The following NRG2 variants were observed in gnomAD, a reference collection of about 807,000 sequenced individuals.
The protein encoded by NRG2 is neuregulin 2.
Under a neutral mutation model 73.9 loss-of-function variants are expected in NRG2, and 27 were observed. The ratio of observed to expected loss-of-function variants is 0.37; its 90% CI spans 0.27 to 0.50. The LOEUF (loss-of-function observed/expected upper bound fraction) is 0.50. Ranked by LOEUF, NRG2 falls within the 20% of genes least tolerant of loss-of-function variation. NRG2 has a pLI of 0.96. For missense variants in NRG2, 1,126 were observed against 1,210.1 expected (o/e 0.93, Z 1.03); for synonymous variants, 532 against 541.0 (o/e 0.98, Z 0.23).
At position 139,852,979 on chromosome 5, in the gene NRG2, C is replaced by G; in HGVS notation, c.1341G>C (p.Pro447=). 6.2e-7 allele frequency: 1 copy of G among 1,613,294 alleles called. No individual in the cohort carries two copies. Among genetic ancestry groups the G allele is most frequent in the Non-Finnish European group, 8.5e-7 (1 of 1,179,714 alleles). Residue 447 remains proline, a synonymous_variant, in exon 7 of 10, where the codon CCG becomes CCC. Coordinates refer to ENST00000361474, the MANE Select transcript of NRG2 (RefSeq NM_004883.3). This position sits in a 1 kb window ranked among gnomAD's most constrained non-coding sequence, Gnocchi z 4.4. ...MHNHLRQNMC[P]AHQNRSLANG... is the part of the protein sequence containing the mutation. ...TGGCCAAGCTCCGGTTCTGATGGGC[C>G]GGGCACATGTTCTGCCGGAGGTGGT...
intron 1 of NRG2, among the ~76,000 whole-genome samples, chr5:139,938,362 CTT>C (rs35461631): frequency 6.8e-6 from 1 of 146,534 alleles, no homozygotes; most frequent in Non-Finnish European, 1.5e-5. Flanking sequence ...GATTTCAATA[CTT>C]TTTTTTTTTT....
At chr5:139,883,556 G>A (rs983070139) in intron 2 of NRG2, among the ~76,000 whole-genome samples, 11 of 152,142 alleles carry the variant, frequency 7.2e-5, no homozygotes, top group South Asian at 2.1e-4. Context: ...AGTGCGGCCC[G>A]GGCAGGGAGA....
chr5:140,043,220 G>A lies in NRG2; in HGVS notation c.-151C>T, dbSNP rs996585773. On this transcript the variant is annotated 5_prime_UTR_variant, in exon 1 of 10. Coordinates refer to ENST00000361474, the MANE Select transcript of NRG2 (RefSeq NM_004883.3). The surrounding 1 kb of genome is among the most constrained non-coding windows in gnomAD (Gnocchi z 6.7). ...GGAGGTGGCCCAGCTAGGGCAGGGG[G>A]CAGGCGGCAAGCGGGCCGCGATGCG... The A allele has an allele frequency of 2.4e-6, 2 of 831,386 alleles. No individual in the cohort carries two copies. The highest frequency in any genetic ancestry group is 3.5e-6 in the Non-Finnish European group (2 of 563,854). 51.5% of individuals were successfully genotyped at this position (831,386 alleles called of 1,614,324 possible). A position where few individuals can be genotyped will look rare whatever the true frequency, so the allele number is the denominator to read the frequency against.
At chr5:140,041,074 G>A (rs1450513664) in intron 1 of NRG2, among the ~76,000 whole-genome samples, 1 of 152,090 alleles carries the variant, frequency 6.6e-6, no homozygotes, top group African/African-American at 2.4e-5. Context: ...AAAATCATAG[G>A]TATCGATCTA....
At chr5:139,942,586 A>G (rs577677939) in intron 1 of NRG2, among the ~76,000 whole-genome samples, 80 of 152,340 alleles carry the variant, frequency 5.3e-4, no homozygotes, top group African/African-American at 1.9e-3. Flanking sequence ...AATGGTCATT[A>G]TTGTTAACAT....
At position 139,853,145 on chromosome 5, in the gene NRG2, G is replaced by A; in HGVS notation, c.1293-118C>T. The A allele has an allele frequency of 1.4e-6, 2 of 1,382,224 alleles. No individual in the cohort carries two copies. The highest frequency in any genetic ancestry group is 2.0e-5 in the Admixed American group (1 of 50,010). The allele number at this position is 1,382,224 out of a possible 1,614,324, so 85.6% of individuals were successfully genotyped here. On this transcript the variant is annotated intron_variant, in intron 6 of 9. Coordinates refer to ENST00000361474, the MANE Select transcript of NRG2 (RefSeq NM_004883.3). The surrounding 1 kb of genome is among the most constrained non-coding windows in gnomAD (Gnocchi z 4.1). The stretch of plus-strand genomic sequence containing the variant: ...CCTGCCCAGGGTGGCCATGGCTACT[G>A]CTCGTCCCTGTACTCAAGCTGCCCT...
chr5:139,982,580 A>T (rs777327338), intron 1 of NRG2, among the ~76,000 whole-genome samples: 31 of 152,330 alleles, frequency 2.0e-4, no homozygotes, highest in Middle Eastern at 3.4e-3. Flanking sequence ...GGGAAGAGCT[A>T]TAAGAAAGCC....
At chr5:139,927,291 T>C (rs1174813408) in intron 1 of NRG2, among the ~76,000 whole-genome samples, 1 of 152,060 alleles carries the variant, frequency 6.6e-6, no homozygotes, top group Non-Finnish European at 1.5e-5. Flanking sequence ...CCTTCCCTGC[T>C]GTGCTTATTC....
intron 1 of NRG2, among the ~76,000 whole-genome samples, chr5:139,936,282 G>A (rs1407006528): frequency 6.6e-6 from 1 of 151,842 alleles, no homozygotes; most frequent in Non-Finnish European, 1.5e-5. Flanking sequence ...GATAAATCAG[G>A]AAAAAATGAG....
At chr5:139,939,780 A>G (rs1050375152) in intron 1 of NRG2, among the ~76,000 whole-genome samples, 2 of 152,336 alleles carry the variant, frequency 1.3e-5, no homozygotes, top group South Asian at 4.1e-4. Flanking sequence ...TAAGTAATAT[A>G]AAAAGAAAAA....
At chr5:139,902,008 G>A (rs745947110) in intron 1 of NRG2, among the ~76,000 whole-genome samples, 1 of 152,248 alleles carries the variant, frequency 6.6e-6, no homozygotes, top group Non-Finnish European at 1.5e-5. Context: ...GGTGAGGGCT[G>A]AGCGTAGACT....
At position 139,848,259 on chromosome 5, in the gene NRG2, C is replaced by T; in HGVS notation, c.2211G>A (p.Ser737=). 3 of 1,114,822 alleles carry T rather than the reference C, an allele frequency of 2.7e-6. No homozygotes were observed. The South Asian group carries it at 1.3e-4, about 48-fold the overall frequency. The allele number at this position is 1,114,822 out of a possible 1,614,324, so 69.1% of individuals were successfully genotyped here. A position where few individuals can be genotyped will look rare whatever the true frequency, so the allele number is the denominator to read the frequency against. ...PRARGASRRT[S]AGPRRWRRSR... is the part of the protein sequence containing the mutation. ...AGCGGCGCCAGCGCCGGGGCCCCGCCGACGTCCTGCGGGACGCACCGCGCG... is the reference window on the plus strand; with the variant it reads ...AGCGGCGCCAGCGCCGGGGCCCCGCTGACGTCCTGCGGGACGCACCGCGCG... Residue 737 remains serine (S), a synonymous_variant, in exon 10 of 10, where the codon TCG becomes TCA. Transcript: ENST00000361474.
At chr5:139,855,836 T>C in intron 5 of NRG2, 58 bp from the exon 6 acceptor site, 1 of 1,366,180 alleles carries the variant, frequency 7.3e-7, no homozygotes, top group Admixed American at 1.7e-5. Context: ...ATAGGGATAG[T>C]GGTGCAGAGA....
chr5:140,026,280 T>C (rs1281002066), intron 1 of NRG2, among the ~76,000 whole-genome samples: 1 of 152,194 alleles, frequency 6.6e-6, no homozygotes, highest in South Asian at 2.1e-4. Context: ...TTGCTCTTTA[T>C]GCCACAGGAA....
At chr5:139,882,298 G>GC (rs1469996545) in intron 2 of NRG2, among the ~76,000 whole-genome samples, 1 of 152,112 alleles carries the variant, frequency 6.6e-6, no homozygotes, top group African/African-American at 2.4e-5. Flanking sequence ...CCCTACCTGG[G>GC]CTGTCTCCAC....
intron 1 of NRG2, among the ~76,000 whole-genome samples, chr5:139,950,473 C>T (rs1754120809): frequency 6.6e-6 from 1 of 152,194 alleles, no homozygotes; most frequent in Admixed American, 6.5e-5. Flanking sequence ...AAAGAGCTTC[C>T]CATTTCCACT....
chr5:139,902,580 T>C (rs1367543186), intron 1 of NRG2, among the ~76,000 whole-genome samples: 1 of 152,174 alleles, frequency 6.6e-6, no homozygotes, highest in East Asian at 1.9e-4. Flanking sequence ...TCCCTGGCAC[T>C]AGTGATTCCC....
intron 1 of NRG2, among the ~76,000 whole-genome samples, chr5:139,907,733 G>A (rs1285228485): frequency 1.3e-5 from 2 of 152,174 alleles, no homozygotes; most frequent in Non-Finnish European, 2.9e-5. Context: ...GGTTGGGCTT[G>A]AAGAAGAGCT....
intron 1 of NRG2, among the ~76,000 whole-genome samples, chr5:139,938,331 G>T (rs1752999520): frequency 6.6e-6 from 1 of 151,766 alleles, no homozygotes; most frequent in African/African-American, 2.4e-5. Context: ...AAAAGAAAAA[G>T]TTGGAGACCT....
Sources: allele counts gnomAD v4.1 joint callset (sites outside exome capture counted in the v4.1 genomes callset), GRCh38; gene constraint gnomAD v4.1.1; non-coding constraint Gnocchi (gnomAD v3.1); transcripts MANE v1.5; gene names NCBI Gene and HGNC (gene_info 2026-07-23, HGNC 2026-07-21).